Variants in PRICKLE2 observed in about 807,000 individuals in gnomAD.
PRICKLE2 encodes prickle-like protein 2.
Under a neutral mutation model 81.4 loss-of-function variants are expected in PRICKLE2, and 21 were observed. The ratio of observed to expected loss-of-function variants is 0.26; its 90% confidence interval spans 0.18 to 0.37. The LOEUF (loss-of-function observed/expected upper bound fraction) is 0.37, where lower values mean the gene tolerates loss of function less well. Ranked by LOEUF, PRICKLE2 falls within the 10% of genes least tolerant of loss-of-function variation. The pLI is 1.00. For synonymous variants in PRICKLE2, 456 were observed against 421.5 expected (o/e 1.08, Z -1.00); for missense variants, 940 against 1,109.0 (o/e 0.85, Z 2.16).
At chr3:64,126,798 G>A (rs537104252) in intron 7 of PRICKLE2, among the ~76,000 whole-genome samples, 3 of 152,182 alleles carry the variant, frequency 2.0e-5, no homozygotes, top group South Asian at 2.1e-4. Flanking sequence ...GACTGGTCTC[G>A]AACTCCTGGC....
At chr3:64,168,478 C>T (rs914839577) in intron 2 of PRICKLE2, among the ~76,000 whole-genome samples, 1 of 152,194 alleles carries the variant, frequency 6.6e-6, no homozygotes, top group Admixed American at 6.5e-5. Context: ...CTGTGGACCA[C>T]GGGTTGGACA....
intron 2 of PRICKLE2, among the ~76,000 whole-genome samples, chr3:64,177,125 C>CTTTCTTTTTTTTT (rs2078038641): frequency 1.4e-5 from 1 of 70,838 alleles, no homozygotes; most frequent in Admixed American, 2.7e-4. Flanking sequence ...CCATTTTAAC[C>CTTTCTTTTTTTTT]TTTTTTTTTT....
At chr3:64,237,984 G>C (rs907562545) in intron 2 of PRICKLE2, among the ~76,000 whole-genome samples, 17 of 152,106 alleles carry the variant, frequency 1.1e-4, no homozygotes, top group African/African-American at 4.1e-4. Flanking sequence ...TGGGAATTCT[G>C]CCTGAAGACT....
At chr3:64,108,662 C>T (rs150102962) in intron 7 of PRICKLE2, among the ~76,000 whole-genome samples, 1 of 152,252 alleles carries the variant, frequency 6.6e-6, no homozygotes, top group Non-Finnish European at 1.5e-5. Context: ...AATTCAAATC[C>T]ACATTTGAAC....
At chr3:64,241,837 C>T (rs1001257677) in intron 2 of PRICKLE2, among the ~76,000 whole-genome samples, 3 of 152,156 alleles carry the variant, frequency 2.0e-5, no homozygotes, top group Non-Finnish European at 2.9e-5. Context: ...ATGCCTTCAG[C>T]GTTGGCCAAA....
rs77366933 is a variant in PRICKLE2 at position 64,159,269 on chromosome 3, C to T, written c.396+671G>A. Among the ~76,000 whole-genome samples, 774 of 152,332 alleles carry T rather than the reference C, an allele frequency of 5.1e-3. 9 individuals are homozygous for T. The highest frequency in any genetic ancestry group is 0.018 in the African/African-American group (730 of 41,580). On this transcript the variant is annotated intron_variant, in intron 4 of 7. Transcript: ENST00000638394. The stretch of plus-strand genomic sequence containing the variant: ...GGGCTTCATGCACTTCAATAAGGAA[C>T]TCTCAATTCTCAGGAGAAGATCATT...
chr3:64,136,364 G>T (rs971186338), intron 7 of PRICKLE2, among the ~76,000 whole-genome samples: 3 of 151,210 alleles, frequency 2.0e-5, no homozygotes, highest in East Asian at 1.9e-4. Flanking sequence ...TTCTCTGGGG[G>T]TGTGTGTTCG....
intron 7 of PRICKLE2, among the ~76,000 whole-genome samples, chr3:64,126,701 T>C (rs1439495967): frequency 6.6e-6 from 1 of 152,096 alleles, no homozygotes; most frequent in Non-Finnish European, 1.5e-5. Flanking sequence ...CCTCAGCCTC[T>C]TGAGTAGCTG....
chr3:64,245,099 G>A (rs557958292), intron 2 of PRICKLE2, among the ~76,000 whole-genome samples: 19 of 152,150 alleles, frequency 1.2e-4, no homozygotes, highest in African/African-American at 3.1e-4. Flanking sequence ...ATTTCAAGCC[G>A]ATTTTTCTAA....
chr3:64,127,731 G>T (rs2077131988), intron 7 of PRICKLE2, among the ~76,000 whole-genome samples: 1 of 151,716 alleles, frequency 6.6e-6, no homozygotes. Flanking sequence ...TCAGCCCACG[G>T]TGCCCTCCAG....
intron 2 of PRICKLE2, among the ~76,000 whole-genome samples, chr3:64,171,720 C>T (rs1026089965): frequency 1.3e-5 from 2 of 152,150 alleles, no homozygotes; most frequent in East Asian, 1.9e-4. Context: ...AATAAACAAG[C>T]GAGATTTCAA....
intron 2 of PRICKLE2, among the ~76,000 whole-genome samples, chr3:64,240,938 G>A (rs1575704985): frequency 6.6e-6 from 1 of 152,232 alleles, no homozygotes; most frequent in Non-Finnish European, 1.5e-5. Context: ...AGCCTCTGAG[G>A]GTCCAGGATG....
chr3:64,170,766 T>C (rs1440473440), intron 2 of PRICKLE2, among the ~76,000 whole-genome samples: 2 of 148,632 alleles, frequency 1.3e-5, no homozygotes, highest in African/African-American at 5.0e-5. Context: ...TCTCAGCTAC[T>C]CTGGAGGCTG....
At chr3:64,104,084 T>A (rs746599405) in intron 7 of PRICKLE2, among the ~76,000 whole-genome samples, 1 of 152,258 alleles carries the variant, frequency 6.6e-6, no homozygotes, top group South Asian at 2.1e-4. Context: ...CTAAATATCA[T>A]ATACTCCAGT....
intron 3 of PRICKLE2, among the ~76,000 whole-genome samples, chr3:64,161,526 T>G (rs553874712): frequency 6.6e-6 from 1 of 152,094 alleles, no homozygotes; most frequent in Non-Finnish European, 1.5e-5. Flanking sequence ...ACAATCACCC[T>G]TTGTCTTCAA....
intron 2 of PRICKLE2, among the ~76,000 whole-genome samples, chr3:64,197,298 A>G (rs1178494640): frequency 1.3e-5 from 2 of 152,174 alleles, no homozygotes; most frequent in Admixed American, 6.5e-5. Flanking sequence ...GCTGGGTCAA[A>G]TGGTATTAAC....
chr3:64,217,632 T>C (rs185621908), intron 1 of PRICKLE2, among the ~76,000 whole-genome samples: 172 of 152,278 alleles, frequency 1.1e-3, no homozygotes, highest in African/African-American at 3.7e-3. Flanking sequence ...ATCCAAGGGT[T>C]GGGTTAGCAT....
chr3:64,261,728 C>T (rs2079617248), intron 2 of PRICKLE2, among the ~76,000 whole-genome samples: 1 of 152,108 alleles, frequency 6.6e-6, no homozygotes. Context: ...TGGCCTGTGA[C>T]TGAAGCACGG....
chr3:64,210,661 T>C (rs1021179879), intron 1 of PRICKLE2, among the ~76,000 whole-genome samples: 1 of 152,226 alleles, frequency 6.6e-6, no homozygotes, highest in African/African-American at 2.4e-5. Flanking sequence ...CATGCTTCAA[T>C]GAAGAATTAT....
Sources: allele counts gnomAD v4.1 joint callset (sites outside exome capture counted in the v4.1 genomes callset), GRCh38; gene constraint gnomAD v4.1.1; transcripts MANE v1.5; gene names NCBI Gene and HGNC (gene_info 2026-07-23, HGNC 2026-07-21).